RFX3: variants seen among roughly 807,000 people sequenced by gnomAD.
RFX3 encodes regulatory factor X3.
RFX3 carries 14 observed loss-of-function variants against 98.6 expected under a neutral mutation model. That is an observed-to-expected ratio of 0.14 (90% CI 0.09 to 0.22). The LOEUF is 0.22. RFX3 is among the 10% of genes least tolerant of loss of function. The pLI, the probability that RFX3 is intolerant of heterozygous loss-of-function variation, is 1.00. For missense variants in RFX3, 639 were observed against 926.9 expected (o/e 0.69, Z 4.03); for synonymous variants, 383 against 328.4 (o/e 1.17, Z -1.80).
At chr9:3,497,167 A>T (rs949099745) in intron 1 of RFX3, among the ~76,000 whole-genome samples, 3 of 152,040 alleles carry the variant, frequency 2.0e-5, no homozygotes, top group African/African-American at 7.2e-5. Context: ...GAAATGTTAC[A>T]ATATGTACCA....
intron 11 of RFX3, 56 bp from the exon 12 acceptor site, chr9:3,266,361 T>C (rs1823629735): frequency 2.6e-6 from 3 of 1,152,390 alleles, no homozygotes; most frequent in African/African-American, 3.1e-5. Context: ...ATATTAATGT[T>C]TGTGCTAGAA....
chr9:3,255,913 C>T (rs963479553), intron 14 of RFX3, among the ~76,000 whole-genome samples: 1 of 152,048 alleles, frequency 6.6e-6, no homozygotes, highest in African/African-American at 2.4e-5. Flanking sequence ...ATTAGAATCA[C>T]CAGGAGAGCT....
intron 2 of RFX3, among the ~76,000 whole-genome samples, chr9:3,361,860 T>A (rs776614846): frequency 2.4e-4 from 37 of 151,928 alleles, no homozygotes; most frequent in Non-Finnish European, 3.4e-4. Context: ...GGCAGGAGGA[T>A]TGCTTTAGCC....
chr9:3,337,466 A>G (rs768606521), intron 3 of RFX3, among the ~76,000 whole-genome samples: 7 of 152,232 alleles, frequency 4.6e-5, no homozygotes, highest in Non-Finnish European at 8.8e-5. Flanking sequence ...AAAGGAAATC[A>G]ACTTAGGACT....
At chr9:3,482,409 G>C (rs1849850986) in intron 1 of RFX3, among the ~76,000 whole-genome samples, 1 of 152,078 alleles carries the variant, frequency 6.6e-6, no homozygotes, top group Non-Finnish European at 1.5e-5. Context: ...TCATCTGTGA[G>C]CACAAGAACA....
rs756889505 is a variant in RFX3, at chr9:3,482,178, AC to A, written c.-9+43568del. Among the ~76,000 whole-genome samples the A allele has an allele frequency of 1.3e-4, 20 of 152,202 alleles. 1 individual carries two copies. The highest frequency in any genetic ancestry group is 4.1e-4 in the South Asian group (2 of 4,834). On this transcript the variant is annotated intron_variant, in intron 1 of 16. Transcript: ENST00000617270. ...ACATACATACAATGCTAATAAAGAT[AC>A]AAAATTTTATTCATTACCATTAAAA... is the stretch of plus-strand genomic sequence containing the variant.
intron 6 of RFX3, among the ~76,000 whole-genome samples, chr9:3,290,266 A>C (rs530019698): frequency 6.6e-6 from 1 of 152,204 alleles, no homozygotes; most frequent in African/African-American, 2.4e-5. Flanking sequence ...AGGAACCCAG[A>C]ACATCAGAAA....
chr9:3,456,227 T>C (rs1401575125), intron 1 of RFX3, among the ~76,000 whole-genome samples: 1 of 152,228 alleles, frequency 6.6e-6, no homozygotes, highest in African/African-American at 2.4e-5. Flanking sequence ...AGGAGACACA[T>C]TCAAACCATG....
rs545106981 is a variant in RFX3, at chr9:3,427,369, A to G, written c.-8-31773T>C. ...TACATAATACTATATATAAATATATATTGTTATTATATAATAATACAATAT... is the reference window on the plus strand; with the variant it reads ...TACATAATACTATATATAAATATATGTTGTTATTATATAATAATACAATAT... On this transcript the variant is annotated intron_variant, in intron 1 of 16. Transcript: ENST00000617270. 2.3e-3 allele frequency among the ~76,000 whole-genome samples: 325 copies of G among 139,208 alleles called. 1 individual carries two copies. The highest frequency in any genetic ancestry group is 3.8e-3 in the Non-Finnish European group (247 of 65,820). The allele number at this position is 139,208 out of a possible 152,430, so 91.3% of individuals were successfully genotyped here.
In RFX3 at chr9:3,419,000, A is replaced by G. The variant is rs541434168; in HGVS notation, c.-8-23404T>C. 2.0e-5 allele frequency among the ~76,000 whole-genome samples: 3 copies of G among 152,340 alleles called. No homozygotes were observed. In the South Asian group the frequency reaches 6.2e-4, roughly 32 times the overall value. On this transcript the variant is annotated intron_variant, in intron 1 of 16. Transcript: ENST00000617270. ...CTGCTGCCTTCACCTATTTCTTATT[A>G]TATGCTCCATTCAACCAGAATTTAT...
intron 1 of RFX3, among the ~76,000 whole-genome samples, chr9:3,467,686 C>A (rs1848432788): frequency 6.6e-6 from 1 of 151,876 alleles, no homozygotes; most frequent in Admixed American, 6.6e-5. Context: ...GGGTGAGGAC[C>A]AAAGAAGAAA....
At chr9:3,231,049 A>C (rs775392023) in intron 15 of RFX3, among the ~76,000 whole-genome samples, 1 of 152,232 alleles carries the variant, frequency 6.6e-6, no homozygotes, top group Non-Finnish European at 1.5e-5. Flanking sequence ...AAAACAGCTG[A>C]AATCTCAGTG....
chr9:3,314,098 A>G (rs556343660), intron 4 of RFX3, among the ~76,000 whole-genome samples: 1 of 152,320 alleles, frequency 6.6e-6, no homozygotes, highest in African/African-American at 2.4e-5. Flanking sequence ...AAACAAAGGA[A>G]AAAATATTAA....
intron 15 of RFX3, among the ~76,000 whole-genome samples, chr9:3,233,334 T>G (rs954608703): frequency 6.6e-6 from 1 of 152,220 alleles, no homozygotes; most frequent in Non-Finnish European, 1.5e-5. Flanking sequence ...CTAGTATCTA[T>G]ACCTGAGCAT....
rs1035861004 is a variant in RFX3 at position 3,358,567 on chromosome 9, C to G, written c.118-11803G>C. Among the ~76,000 whole-genome samples, 5 of 152,216 alleles carry G rather than the reference C, an allele frequency of 3.3e-5. No homozygotes were observed. In the East Asian group the frequency reaches 9.6e-4, roughly 29 times the overall value. ...AAATAGGGCATAATTCTTTACACTA[C>G]CTACCAAGTTAACGAATTGACAAAG... On this transcript the variant is annotated intron_variant, in intron 2 of 16. Transcript: ENST00000617270.
chr9:3,329,655 A>T (rs1832361754), intron 4 of RFX3, among the ~76,000 whole-genome samples: 2 of 152,150 alleles, frequency 1.3e-5, no homozygotes, highest in South Asian at 4.1e-4. Context: ...TACTATTTAA[A>T]TATTGATTTC....
At chr9:3,517,909 C>A (rs1818333281) in intron 1 of RFX3, among the ~76,000 whole-genome samples, 1 of 152,168 alleles carries the variant, frequency 6.6e-6, no homozygotes, top group African/African-American at 2.4e-5. Context: ...CTGTCAACAA[C>A]AAACCACATC....
intron 7 of RFX3, among the ~76,000 whole-genome samples, chr9:3,287,659 C>G (rs1826806818): frequency 6.6e-6 from 1 of 151,954 alleles, no homozygotes; most frequent in South Asian, 2.1e-4. Flanking sequence ...TTCATGAATG[C>G]TTGAGATCTC....
intron 1 of RFX3, among the ~76,000 whole-genome samples, chr9:3,467,173 T>C (rs1181315765): frequency 7.9e-6 from 1 of 126,338 alleles, no homozygotes; most frequent in Non-Finnish European, 1.6e-5. Context: ...ACGTATATAA[T>C]GTATATATGT....
Sources: allele counts gnomAD v4.1 joint callset (sites outside exome capture counted in the v4.1 genomes callset), GRCh38; gene constraint gnomAD v4.1.1; transcripts MANE v1.5; gene names NCBI Gene and HGNC (gene_info 2026-07-23, HGNC 2026-07-21).